The following TTC4 variants were observed in gnomAD, a reference collection of about 807,000 sequenced individuals.
TTC4 encodes the protein tetratricopeptide repeat domain 4, also known as hsp70/Hsp90 co-chaperone CNS1 homolog.
In TTC4, 36 loss-of-function variants were observed where a neutral mutation model predicts 51.9. The observed-to-expected ratio is 0.69, with a 90% confidence interval of 0.53 to 0.92. TTC4 has a LOEUF of 0.92. Ranked by LOEUF, TTC4 falls within the 40% of genes least tolerant of loss-of-function variation. The probability of loss-of-function intolerance (pLI) is 0.00; values close to 1 mark genes in which losing one functional copy is unlikely to be tolerated. For missense variants in TTC4, 399 were observed against 454.6 expected (o/e 0.88, Z 1.11); for synonymous variants, 144 against 164.2 (o/e 0.88, Z 0.94).
In TTC4 at chr1:54,717,590, T is replaced by A; in HGVS notation, c.328T>A (p.Cys110Ser). ...ISYTEGLKKKCADPDLNAVLY... is the reference protein window; with the variant it reads ...ISYTEGLKKKSADPDLNAVLY... ...ATACACTGAAGGCTTAAAGAAGAAA[T>A]GTGCAGATCCTGATTTGAATGCTGT... The change falls in exon 3 of 10, where the codon TGT becomes AGT. Residue 110 changes from cysteine to serine, a missense_variant. Cys to Ser is a moderately radical substitution (Grantham distance 112). Coordinates refer to ENST00000371281, the MANE Select transcript of TTC4 (RefSeq NM_004623.5). The A allele has an allele frequency of 6.2e-7, 1 of 1,612,170 alleles. No homozygotes were observed. Among genetic ancestry groups the A allele is most frequent in the Non-Finnish European group, 8.5e-7 (1 of 1,179,314 alleles).
Position 54,741,721 on chromosome 1 carries a change from A to T in TTC4, c.*208A>T, listed in dbSNP as rs1006776673. 7 of 585,750 alleles carry T rather than the reference A, an allele frequency of 1.2e-5. No individual in the cohort carries two copies. The highest frequency in any genetic ancestry group is 5.6e-5 in the African/African-American group (3 of 53,532). 36.3% of individuals were successfully genotyped at this position (585,750 alleles called of 1,614,324 possible). The stretch of plus-strand genomic sequence containing the variant: ...GTCTTCACTTTCCTCAGTTGATATA[A>T]AACTCTGGGTCTTGGCCATGATGTC... On this transcript the variant is annotated 3_prime_UTR_variant, in exon 10 of 10. Coordinates refer to ENST00000371281, the MANE Select transcript of TTC4 (RefSeq NM_004623.5).
At chr1:54,723,738 T>C (rs546084102) in intron 5 of TTC4, among the ~76,000 whole-genome samples, 2 of 152,342 alleles carry the variant, frequency 1.3e-5, no homozygotes, top group South Asian at 2.1e-4. Flanking sequence ...ACGTAAGGAA[T>C]GTTTTTAAAT....
rs777749059 is a variant in TTC4 at position 54,731,546 on chromosome 1, C to A, written c.742C>A (p.Leu248Ile). ...GGATGAAGATTCAGCCTCAGAAGGT[C>A]TAGGTGAGCTTTTCCTGGATGGACT... ...CEDEDSASEG[L>I]GELFLDGLST... Residue 248 changes from leucine (L) to isoleucine (I), a missense_variant, in exon 7 of 10, where the codon CTA becomes ATA. Physicochemically the swap from Leu to Ile is conservative, Grantham distance 5. This residue lies in a region of TTC4 where 316 missense variants were observed against 349.6 expected (regional missense o/e 0.90). Coordinates refer to ENST00000371281, the MANE Select transcript of TTC4 (RefSeq NM_004623.5). The A allele has an allele frequency of 6.2e-7, 1 of 1,613,990 alleles. No individual in the cohort carries two copies. The highest frequency in any genetic ancestry group is 1.1e-5 in the South Asian group (1 of 91,078).
intron 6 of TTC4, among the ~76,000 whole-genome samples, chr1:54,730,113 T>G (rs1645847107): frequency 6.6e-6 from 1 of 152,186 alleles, no homozygotes; most frequent in Non-Finnish European, 1.5e-5. Flanking sequence ...TGCTAAAACA[T>G]ACTCCACTAT....
chr1:54,731,567 G>A lies in TTC4; in HGVS notation c.763G>A (p.Gly255Arg). Residue 255 changes from glycine to arginine, a missense_variant, in exon 7 of 10, where the codon GGA (glycine) becomes AGA (arginine). Physicochemically the swap from Gly to Arg is moderately radical, Grantham distance 125. Coordinates refer to ENST00000371281, the MANE Select transcript of TTC4 (RefSeq NM_004623.5). ...AGGTCTAGGTGAGCTTTTCCTGGAT[G>A]GACTCAGCACTGAGAACCCCCATGG... ...SEGLGELFLD[G>R]LSTENPHGAR... 6.2e-7 allele frequency: 1 copy of A among 1,614,086 alleles called. No homozygotes were observed. The highest frequency in any genetic ancestry group is 2.2e-5 in the East Asian group (1 of 44,862).
intron 3 of TTC4, 148 bp downstream of exon 3, chr1:54,717,801 C>A: frequency 1.5e-6 from 1 of 665,202 alleles, no homozygotes; most frequent in Non-Finnish European, 2.2e-6. Context: ...TCTGGTCTTC[C>A]AAGTTGACAT....
intron 9 of TTC4, 91 bp downstream of exon 9, chr1:54,737,755 G>C: frequency 1.5e-6 from 2 of 1,314,108 alleles, no homozygotes; most frequent in Non-Finnish European, 2.1e-6. Flanking sequence ...ACCTGAGACT[G>C]GTCAGTTTAT....
chr1:54,737,402 G>A, intron 8 of TTC4, 180 bp from the exon 9 acceptor site: 1 of 562,082 alleles, frequency 1.8e-6, no homozygotes. Context: ...ACTGATAATA[G>A]CCTCTTTTAC....
At chr1:54,740,935 CCTCATAGAGGGAA>C (rs1646003218) in intron 9 of TTC4, among the ~76,000 whole-genome samples, 8 of 152,138 alleles carry the variant, frequency 5.3e-5, no homozygotes, top group Non-Finnish European at 1.2e-4. Flanking sequence ...TGATTCCCTT[CCTCATAGAGGGAA>C]TCGTGCCTCC....
At chr1:54,718,053 A>C (rs372127915) in intron 3 of TTC4, among the ~76,000 whole-genome samples, 10 of 152,204 alleles carry the variant, frequency 6.6e-5, no homozygotes, top group African/African-American at 2.4e-4. Flanking sequence ...CTAAGGGAGA[A>C]TATCTCAAAG....
intron 4 of TTC4, 55 bp downstream of exon 4, chr1:54,721,295 G>A: frequency 1.3e-6 from 2 of 1,563,882 alleles, no homozygotes; most frequent in East Asian, 2.3e-5. Context: ...GAAGGTGCTA[G>A]GATACTAATA....
At chr1:54,726,968 A>G (rs557407233) in intron 5 of TTC4, among the ~76,000 whole-genome samples, 9 of 150,630 alleles carry the variant, frequency 6.0e-5, no homozygotes, top group African/African-American at 2.2e-4. Flanking sequence ...CAAAAGTCCA[A>G]TTGGCTTCTC....
intron 3 of TTC4, 26 bp from the exon 4 acceptor site, chr1:54,721,137 T>G: frequency 6.2e-7 from 1 of 1,611,294 alleles, no homozygotes; most frequent in Non-Finnish European, 8.5e-7. Context: ...AAAACTTCTC[T>G]CTTTTACTAA....
chr1:54,717,280 A>C (rs767493768), intron 2 of TTC4, among the ~76,000 whole-genome samples: 1 of 152,214 alleles, frequency 6.6e-6, no homozygotes, highest in Non-Finnish European at 1.5e-5. Flanking sequence ...AGCACTTAGT[A>C]ATCTACCTTG....
At chr1:54,734,705 T>A (rs1384520636) in intron 8 of TTC4, among the ~76,000 whole-genome samples, 1 of 152,128 alleles carries the variant, frequency 6.6e-6, no homozygotes, top group African/African-American at 2.4e-5. Flanking sequence ...TTCTTTCCTT[T>A]TTAAGGCTGA....
chr1:54,741,523 G>A lies in TTC4; in HGVS notation c.*10G>A, dbSNP rs372795381. 3 of 1,610,786 alleles carry A rather than the reference G, an allele frequency of 1.9e-6. No homozygotes were observed. Among genetic ancestry groups the A allele is most frequent in the Non-Finnish European group, 2.5e-6 (3 of 1,177,194 alleles). On this transcript the variant is annotated 3_prime_UTR_variant, in exon 10 of 10. Coordinates refer to ENST00000371281, the MANE Select transcript of TTC4 (RefSeq NM_004623.5). ...GTACCAGATACGATGACTAAGCCAG[G>A]GCCCCTGGATCTCCTCCCTTACCCT...
At position 54,731,811 on chromosome 1, in the gene TTC4, G is replaced by T. The variant is rs1645868868; in HGVS notation, c.896+111G>T. The T allele has an allele frequency of 7.9e-6, 8 of 1,014,228 alleles. No homozygotes were observed. In the East Asian group the frequency reaches 2.1e-4, roughly 27 times the overall value. The allele number at this position is 1,014,228 out of a possible 1,614,324, so 62.8% of individuals were successfully genotyped here. A position where few individuals can be genotyped will look rare whatever the true frequency, so the allele number is the denominator to read the frequency against. On this transcript the variant is annotated intron_variant, in intron 7 of 9. Coordinates refer to ENST00000371281, the MANE Select transcript of TTC4 (RefSeq NM_004623.5). ...AGAAGGGAAGATAATGGTTTAGAGG[G>T]TTTCACACCATCTGGTTTGATAATA...
chr1:54,735,642 T>C (rs1645924199), intron 8 of TTC4, among the ~76,000 whole-genome samples: 1 of 152,216 alleles, frequency 6.6e-6, no homozygotes, highest in Non-Finnish European at 1.5e-5. Flanking sequence ...ATCACCTGAT[T>C]GAGGTGGGGT....
chr1:54,739,153 T>G (rs1645983099), intron 9 of TTC4, among the ~76,000 whole-genome samples: 1 of 151,996 alleles, frequency 6.6e-6, no homozygotes, highest in South Asian at 2.1e-4. Flanking sequence ...ATTACAGATG[T>G]GAGCCACCAC....
Sources: allele counts gnomAD v4.1 joint callset (sites outside exome capture counted in the v4.1 genomes callset), GRCh38; gene constraint gnomAD v4.1.1; regional missense constraint gnomAD v4.1.1; transcripts MANE v1.5; gene names NCBI Gene and HGNC (gene_info 2026-07-23, HGNC 2026-07-21).